Variants in SLC1A2 observed in about 807,000 individuals in gnomAD.
SLC1A2 encodes excitatory amino acid transporter 2.
In SLC1A2, 15 loss-of-function variants were observed where a neutral mutation model predicts 48.8. The ratio of observed to expected loss-of-function variants is 0.31; its 90% CI spans 0.21 to 0.47. The LOEUF is 0.47. SLC1A2 is among the 20% of genes least tolerant of loss of function. The pLI is 0.99. For synonymous variants in SLC1A2, 279 were observed against 272.6 expected (o/e 1.02, Z -0.23); for missense variants, 502 against 730.5 (o/e 0.69, Z 3.61).
At chr11:35,415,394 G>C (rs1037271949) in intron 1 of SLC1A2, among the ~76,000 whole-genome samples, 2 of 152,136 alleles carry the variant, frequency 1.3e-5, no homozygotes, top group Admixed American at 1.3e-4. Context: ...ACATGAAATG[G>C]TTTTCTCATA....
intron 10 of SLC1A2, among the ~76,000 whole-genome samples, chr11:35,264,573 G>T (rs1281523735): frequency 6.6e-6 from 1 of 152,206 alleles, no homozygotes; most frequent in East Asian, 1.9e-4. Flanking sequence ...AGCCCATCAA[G>T]CTTGAAGAAT....
intron 1 of SLC1A2, among the ~76,000 whole-genome samples, chr11:35,401,926 T>A (rs1218949692): frequency 3.3e-5 from 5 of 152,174 alleles, no homozygotes; most frequent in African/African-American, 7.2e-5. Context: ...AGTGGCTGCC[T>A]GTCCTAGGCT....
chr11:35,304,115 G>C (rs1313126400), intron 5 of SLC1A2, among the ~76,000 whole-genome samples: 1 of 152,062 alleles, frequency 6.6e-6, no homozygotes, highest in African/African-American at 2.4e-5. Flanking sequence ...CACTGGAACG[G>C]GGGTGTTGCA....
At chr11:35,267,983 A>G (rs1319966187) in intron 9 of SLC1A2, among the ~76,000 whole-genome samples, 3 of 152,200 alleles carry the variant, frequency 2.0e-5, no homozygotes, top group African/African-American at 7.2e-5. Flanking sequence ...TGGATTCAGT[A>G]AAGTGACCAG....
chr11:35,419,074 G>A lies in SLC1A2; in HGVS notation c.-108C>T. 2 of 999,964 alleles carry A rather than the reference G, an allele frequency of 2.0e-6. No homozygotes were observed. Among genetic ancestry groups the A allele is most frequent in the Non-Finnish European group, 1.5e-6 (1 of 674,996 alleles). The allele number at this position is 999,964 out of a possible 1,614,324, so 61.9% of individuals were successfully genotyped here. On this transcript the variant is annotated 5_prime_UTR_variant, in exon 1 of 11. Transcript: ENST00000278379. This position sits in a 1 kb window ranked among gnomAD's most constrained non-coding sequence, Gnocchi z 5.4. ...GTGCGGCCGGGAGCGGTATTTAAGA[G>A]GAGCCTCTGCCCGCCCTTCCACCCG... is the stretch of plus-strand genomic sequence containing the variant.
intron 10 of SLC1A2, chr11:35,261,642 C>A (rs1950395687): frequency 7.5e-6 from 3 of 398,474 alleles, no homozygotes; most frequent in Non-Finnish European, 1.3e-5. Flanking sequence ...GTTTTCCCCT[C>A]CACTTCTAAG....
intron 9 of SLC1A2, among the ~76,000 whole-genome samples, chr11:35,270,916 C>G (rs116665307): frequency 6.6e-6 from 1 of 152,124 alleles, no homozygotes; most frequent in African/African-American, 2.4e-5. Context: ...GTCTTTATCT[C>G]AAGTGTAATG....
At chr11:35,348,967 GTGC>G (rs1186903184) in intron 1 of SLC1A2, among the ~76,000 whole-genome samples, 3 of 151,546 alleles carry the variant, frequency 2.0e-5, no homozygotes, top group African/African-American at 7.3e-5. Context: ...AGAAGGATGT[GTGC>G]TGAGTTTGGA....
intron 1 of SLC1A2, chr11:35,360,092 T>C: frequency 9.1e-6 from 9 of 985,276 alleles, no homozygotes; most frequent in Non-Finnish European, 1.1e-5. Flanking sequence ...AGTGCTGGAG[T>C]GAGCTGTGCC....
chr11:35,359,615 T>C (rs1019360324), intron 1 of SLC1A2, among the ~76,000 whole-genome samples: 7 of 152,224 alleles, frequency 4.6e-5, no homozygotes, highest in African/African-American at 1.7e-4. Context: ...AGGGGAATAA[T>C]TTGATGTGGA....
At chr11:35,379,027 G>A (rs968748245) in intron 1 of SLC1A2, among the ~76,000 whole-genome samples, 5 of 152,138 alleles carry the variant, frequency 3.3e-5, no homozygotes, top group African/African-American at 9.7e-5. Context: ...TCAGGAGTTC[G>A]AGACCAGCCT....
chr11:35,296,290 G>A (rs970861427), intron 6 of SLC1A2, among the ~76,000 whole-genome samples: 23 of 152,294 alleles, frequency 1.5e-4, no homozygotes, highest in Admixed American at 9.1e-4. Flanking sequence ...TGTCCCACAC[G>A]TTTCCAATAG....
chr11:35,298,092 A>G (rs1478133998), intron 6 of SLC1A2: 4 of 152,236 alleles, frequency 2.6e-5, no homozygotes, highest in African/African-American at 9.6e-5. Context: ...CTCTGTGCTT[A>G]GTTTTCTCAT....
At chr11:35,284,482 C>T (rs1336181002) in intron 8 of SLC1A2, among the ~76,000 whole-genome samples, 2 of 151,920 alleles carry the variant, frequency 1.3e-5, no homozygotes, top group Non-Finnish European at 2.9e-5. Flanking sequence ...CACTGGGAGA[C>T]ATTTCAGATG....
Position 35,259,686 on chromosome 11 carries a change from A to T in SLC1A2, c.*1208T>A, listed in dbSNP as rs1238797184. 1 of 152,256 alleles carries T rather than the reference A, an allele frequency of 6.6e-6. No homozygotes were observed. Among genetic ancestry groups the T allele is most frequent in the Non-Finnish European group, 1.5e-5 (1 of 68,062 alleles). The allele number at this position is 152,256 out of a possible 1,614,324, so 9.4% of individuals were successfully genotyped here. A position where few individuals can be genotyped will look rare whatever the true frequency, so the allele number is the denominator to read the frequency against. ...ATATCACTTTTATAGGGTTTTGCAC[A>T]GATGTTTGTTTTCTGTTCCTTTCTA... On this transcript the variant is annotated 3_prime_UTR_variant, in exon 11 of 11. Coordinates refer to ENST00000278379, the MANE Select transcript of SLC1A2 (RefSeq NM_004171.4).
intron 1 of SLC1A2, among the ~76,000 whole-genome samples, chr11:35,410,276 G>A (rs1855420987): frequency 6.6e-6 from 1 of 151,880 alleles, no homozygotes; most frequent in African/African-American, 2.4e-5. Flanking sequence ...ATCATTTTTT[G>A]GTGGTGAGAA....
At chr11:35,391,062 A>G (rs1854754644) in intron 1 of SLC1A2, 1 of 152,082 alleles carries the variant, frequency 6.6e-6, no homozygotes, top group Non-Finnish European at 1.5e-5. Context: ...CCTCTGCTAT[A>G]TTTCTGTTGG....
intron 8 of SLC1A2, among the ~76,000 whole-genome samples, chr11:35,284,970 G>A (rs1850764722): frequency 6.6e-6 from 1 of 152,168 alleles, no homozygotes; most frequent in South Asian, 2.1e-4. Context: ...CCAGAGAATG[G>A]GCTGTTGAAT....
chr11:35,364,555 A>G (rs988386719), intron 1 of SLC1A2, among the ~76,000 whole-genome samples: 1 of 152,196 alleles, frequency 6.6e-6, no homozygotes, highest in African/African-American at 2.4e-5. Flanking sequence ...GCACTAAACA[A>G]TCCAGCAAAG....
Sources: gnomAD v4.1 joint callset for allele counts (sites outside exome capture counted in the v4.1 genomes callset) on GRCh38, gnomAD v4.1.1 for gene constraint, Gnocchi (gnomAD v3.1) non-coding constraint, MANE v1.5 for transcripts, NCBI Gene and HGNC (gene_info 2026-07-23, HGNC 2026-07-21) for gene names.